The following NDUFC1 variants were observed in gnomAD, a reference collection of about 807,000 sequenced individuals.
NDUFC1 encodes the protein NADH:ubiquinone oxidoreductase subunit C1.
Under a neutral mutation model 11.6 loss-of-function variants are expected in NDUFC1, and 11 were observed. The ratio of observed to expected loss-of-function variants is 0.95; its 90% CI spans 0.60 to 1.58. NDUFC1 has a LOEUF of 1.58. NDUFC1 is among the 40% of genes most tolerant of loss of function. The pLI is 0.00. For synonymous variants in NDUFC1, 52 were observed against 42.2 expected (o/e 1.23, Z -0.90); for missense variants, 112 against 93.0 (o/e 1.20, Z -0.84).
chr4:139,294,688 T>A (rs1490912589), intron 4 of NDUFC1, among the ~76,000 whole-genome samples: 1 of 144,120 alleles, frequency 6.9e-6, no homozygotes, highest in Non-Finnish European at 1.5e-5. Flanking sequence ...TGAGCCGAGA[T>A]CACGCCACTG....
At chr4:139,302,124 G>A (rs545991305) in intron 1 of NDUFC1, 3 of 356,968 alleles carry the variant, frequency 8.4e-6, no homozygotes, top group Non-Finnish European at 1.5e-5. Context: ...CGATCTGGGG[G>A]AGAAGAGGCC....
At chr4:139,299,674 T>C (rs967603854) in intron 1 of NDUFC1, among the ~76,000 whole-genome samples, 19 of 152,214 alleles carry the variant, frequency 1.2e-4, no homozygotes, top group Non-Finnish European at 2.6e-4. Context: ...TAGGTGCATT[T>C]TAACTAGCAA....
chr4:139,294,899 G>T, intron 4 of NDUFC1, 144 bp downstream of exon 4: 1 of 559,486 alleles, frequency 1.8e-6, no homozygotes, highest in African/African-American at 1.9e-5. Flanking sequence ...GGAAAAATAC[G>T]TATCAGCGAT....
At chr4:139,301,754 G>A (rs1464914830) in intron 1 of NDUFC1, 1 of 1,557,446 alleles carries the variant, frequency 6.4e-7, no homozygotes, top group Non-Finnish European at 8.7e-7. Context: ...GGTGGTGGCG[G>A]GAGCAGCGGG....
intron 1 of NDUFC1, among the ~76,000 whole-genome samples, chr4:139,298,923 C>T (rs1410393986): frequency 6.6e-6 from 1 of 152,044 alleles, no homozygotes; most frequent in Non-Finnish European, 1.5e-5. Flanking sequence ...GATCTTCCTG[C>T]CTCAGCCTCC....
chr4:139,290,500 GA>G (rs958848567), intron 5 of NDUFC1, among the ~76,000 whole-genome samples: 1 of 151,240 alleles, frequency 6.6e-6, no homozygotes, highest in African/African-American at 2.4e-5. Flanking sequence ...GGTGCTAATA[GA>G]AAAAAGGCAA....
intron 2 of NDUFC1, among the ~76,000 whole-genome samples, chr4:139,296,842 TTA>T (rs1184180248): frequency 1.2e-4 from 19 of 152,326 alleles, no homozygotes; most frequent in African/African-American, 4.1e-4. Flanking sequence ...CCTTTAAACT[TTA>T]TGTCATTAAT....
intron 4 of NDUFC1, among the ~76,000 whole-genome samples, chr4:139,294,202 C>A (rs879703071): frequency 2.0e-5 from 3 of 151,798 alleles, no homozygotes; most frequent in Non-Finnish European, 4.4e-5. Flanking sequence ...CTTGGCCTCC[C>A]AAAGTGCTGG....
At chr4:139,291,919 C>G (rs1031980111) in intron 5 of NDUFC1, among the ~76,000 whole-genome samples, 2 of 151,560 alleles carry the variant, frequency 1.3e-5, no homozygotes, top group Non-Finnish European at 2.9e-5. Flanking sequence ...TCACTGCAAA[C>G]TCTGCCTCCC....
chr4:139,292,218 C>G (rs370017759), intron 5 of NDUFC1, among the ~76,000 whole-genome samples: 2 of 152,182 alleles, frequency 1.3e-5, no homozygotes, highest in African/African-American at 4.8e-5. Context: ...CTAAAAGATT[C>G]TTGAGGCTAG....
chr4:139,300,463 T>C (rs1053071542), intron 1 of NDUFC1: 2 of 152,246 alleles, frequency 1.3e-5, no homozygotes, highest in African/African-American at 4.8e-5. Flanking sequence ...CAAAGAATGC[T>C]ACAGAGTGAA....
At chr4:139,291,140 T>TAA (rs1480145943) in intron 5 of NDUFC1, among the ~76,000 whole-genome samples, 54 of 150,374 alleles carry the variant, frequency 3.6e-4, no homozygotes, top group Admixed American at 2.7e-3. Flanking sequence ...TATATATATA[T>TAA]AATAAACTTT....
rs1432505698 is a variant in NDUFC1 at position 139,290,014 on chromosome 4, T to C, written c.*99A>G. The C allele has an allele frequency of 2.0e-5, 3 of 152,154 alleles. No individual in the cohort carries two copies. Among genetic ancestry groups the C allele is most frequent in the Non-Finnish European group, 4.4e-5 (3 of 68,034 alleles). 9.4% of individuals were successfully genotyped at this position (152,154 alleles called of 1,614,324 possible). A position where few individuals can be genotyped will look rare whatever the true frequency, so the allele number is the denominator to read the frequency against. ...AATGCTGGCTTGATATATATTCACATATAACTTTTTCTCTCACATTTACAA... is the reference window on the plus strand; with the variant it reads ...AATGCTGGCTTGATATATATTCACACATAACTTTTTCTCTCACATTTACAA... On this transcript the variant is annotated 3_prime_UTR_variant, in exon 6 of 6. Coordinates refer to ENST00000394223, the MANE Select transcript of NDUFC1 (RefSeq NM_001184989.2).
At position 139,295,025 on chromosome 4, in the gene NDUFC1, C is replaced by G. The variant is rs1290720202; in HGVS notation, c.171+18G>C. ...CACGCTGGTGTAGTCTCACGACATC[C>G]GGGAGTAAAGTACTTACATAGATCC... On this transcript the variant is annotated intron_variant, in intron 4 of 5. Coordinates refer to ENST00000394223, the MANE Select transcript of NDUFC1 (RefSeq NM_001184989.2). 11 of 1,589,978 alleles carry G rather than the reference C, an allele frequency of 6.9e-6. No individual in the cohort carries two copies. Among genetic ancestry groups the G allele is most frequent in the South Asian group, 1.1e-5 (1 of 90,372 alleles).
intron 1 of NDUFC1, among the ~76,000 whole-genome samples, chr4:139,300,360 G>A (rs938406894): frequency 2.0e-5 from 3 of 152,042 alleles, no homozygotes; most frequent in Admixed American, 1.3e-4. Context: ...CACCTTTCAG[G>A]GACAGTTAAG....
At chr4:139,302,015 G>A (rs1745785206) in intron 1 of NDUFC1, 4 of 552,170 alleles carry the variant, frequency 7.2e-6, no homozygotes, top group East Asian at 6.9e-5. Context: ...CCGCGCGCCA[G>A]GGACCACAGG....
intron 1 of NDUFC1, chr4:139,302,175 C>A: frequency 3.7e-6 from 1 of 270,384 alleles, no homozygotes; most frequent in Non-Finnish European, 7.0e-6. Flanking sequence ...GCAGGAGTCG[C>A]GGCCCGGTTG....
At chr4:139,295,244 C>G in intron 3 of NDUFC1, 98 bp from the exon 4 acceptor site, 1 of 891,966 alleles carries the variant, frequency 1.1e-6, no homozygotes, top group African/African-American at 1.6e-5. Context: ...ATTCTCCCTT[C>G]AACTCCCCCA....
intron 1 of NDUFC1, among the ~76,000 whole-genome samples, chr4:139,298,363 C>T (rs1008636276): frequency 6.6e-6 from 1 of 150,474 alleles, no homozygotes; most frequent in Non-Finnish European, 1.5e-5. Context: ...CGCTTGAACC[C>T]AGGAGGCAGA....
Sources: allele counts gnomAD v4.1 joint callset (sites outside exome capture counted in the v4.1 genomes callset), GRCh38; gene constraint gnomAD v4.1.1; transcripts MANE v1.5; gene names NCBI Gene and HGNC (gene_info 2026-07-23, HGNC 2026-07-21).